The following ERC2 variants were observed in gnomAD, a reference collection of about 807,000 sequenced individuals.
ERC2 encodes ELKS/RAB6-interacting/CAST family member 2, also known as ERC protein 2.
In ERC2, 42 loss-of-function variants were observed where a neutral mutation model predicts 114.8. The ratio of observed to expected loss-of-function variants is 0.37; its 90% CI spans 0.29 to 0.47. The LOEUF is 0.47. ERC2 is among the 20% of genes least tolerant of loss of function. The pLI is 0.99. For synonymous variants in ERC2, 454 were observed against 425.5 expected, an observed-to-expected ratio of 1.07 and a Z score of -0.82; for missense variants, 939 against 1,150.7, an observed-to-expected ratio of 0.82 and a Z score of 2.66.
chr3:56,155,092 G>A (rs1160126711), intron 4 of ERC2, among the ~76,000 whole-genome samples: 2 of 152,158 alleles, frequency 1.3e-5, no homozygotes, highest in South Asian at 2.1e-4. Flanking sequence ...CGTCCCTCTT[G>A]TTTCCAGCTA....
chr3:55,969,913 G>A (rs895352724), intron 12 of ERC2, among the ~76,000 whole-genome samples: 1 of 152,078 alleles, frequency 6.6e-6, no homozygotes, highest in East Asian at 1.9e-4. Context: ...CATTTAAATG[G>A]GCAAATTATT....
intron 2 of ERC2, among the ~76,000 whole-genome samples, chr3:56,325,158 T>C (rs1198899531): frequency 1.3e-5 from 2 of 152,006 alleles, no homozygotes; most frequent in Non-Finnish European, 2.9e-5. Flanking sequence ...TAAAACTATA[T>C]ACCCGGCTGG....
intron 2 of ERC2, among the ~76,000 whole-genome samples, chr3:56,373,258 A>T (rs1048777376): frequency 6.6e-6 from 1 of 152,236 alleles, no homozygotes; most frequent in South Asian, 2.1e-4. Flanking sequence ...ATAAAATCAC[A>T]TGAAAGCCAG....
At chr3:55,596,860 A>T (rs957703042) in intron 17 of ERC2, among the ~76,000 whole-genome samples, 3 of 152,226 alleles carry the variant, frequency 2.0e-5, no homozygotes, top group African/African-American at 7.2e-5. Context: ...GACTGAATCC[A>T]TAATGATTAT....
intron 17 of ERC2, among the ~76,000 whole-genome samples, chr3:55,622,072 C>T (rs2059351969): frequency 6.6e-6 from 1 of 152,204 alleles, no homozygotes; most frequent in South Asian, 2.1e-4. Context: ...AATCTGTTTG[C>T]TTCGTACCGC....
chr3:55,705,724 A>C (rs2063445432), intron 15 of ERC2, among the ~76,000 whole-genome samples: 1 of 152,092 alleles, frequency 6.6e-6, no homozygotes, highest in African/African-American at 2.4e-5. Context: ...CTATAGCAGA[A>C]CAGAACACTG....
chr3:55,715,526 A>T (rs1472109678), intron 15 of ERC2, among the ~76,000 whole-genome samples: 1 of 152,172 alleles, frequency 6.6e-6, no homozygotes, highest in Non-Finnish European at 1.5e-5. Context: ...CCAGACATAA[A>T]GGAGTGGATT....
intron 1 of ERC2, among the ~76,000 whole-genome samples, chr3:56,463,635 T>C (rs566158992): frequency 1.3e-5 from 2 of 152,332 alleles, no homozygotes; most frequent in South Asian, 2.1e-4. Context: ...AACTGCCCAA[T>C]AGAAGTTAAG....
chr3:55,978,992 T>C (rs1034999138), intron 12 of ERC2, among the ~76,000 whole-genome samples: 3 of 152,192 alleles, frequency 2.0e-5, no homozygotes, highest in African/African-American at 4.8e-5. Context: ...AGCAAGGCGA[T>C]AGGACACCTA....
At chr3:56,370,849 C>T (rs1425025363) in intron 2 of ERC2, among the ~76,000 whole-genome samples, 1 of 152,174 alleles carries the variant, frequency 6.6e-6, no homozygotes, top group Non-Finnish European at 1.5e-5. Flanking sequence ...CTGCCTTGGC[C>T]TCCCAAAGTG....
At chr3:56,419,500 C>G (rs1164267907) in intron 2 of ERC2, among the ~76,000 whole-genome samples, 4 of 152,202 alleles carry the variant, frequency 2.6e-5, no homozygotes, top group African/African-American at 4.8e-5. Flanking sequence ...TCTGAATACA[C>G]TTAGTGAATG....
intron 4 of ERC2, among the ~76,000 whole-genome samples, chr3:56,170,401 G>A (rs549856188): frequency 6.6e-6 from 1 of 152,174 alleles, no homozygotes; most frequent in South Asian, 2.1e-4. Context: ...CCAGACTGTG[G>A]ATCTAAATAG....
intron 3 of ERC2, among the ~76,000 whole-genome samples, chr3:56,234,047 C>T (rs1344359770): frequency 1.3e-5 from 2 of 152,154 alleles, no homozygotes; most frequent in African/African-American, 2.4e-5. Flanking sequence ...TCCAGATGTC[C>T]TCATCTTTAG....
chr3:55,808,549 G>A (rs2059576831), intron 14 of ERC2, among the ~76,000 whole-genome samples: 1 of 151,404 alleles, frequency 6.6e-6, no homozygotes. Flanking sequence ...GAGGAGGGAG[G>A]GTTGGCAGTG....
At position 56,194,606 on chromosome 3, in the gene ERC2, T is replaced by C. The variant is rs139012510; in HGVS notation, c.1075-21086A>G. Among the ~76,000 whole-genome samples, 390 of 152,346 alleles carry C rather than the reference T, an allele frequency of 2.6e-3. 1 individual carries two copies. The highest frequency in any genetic ancestry group is 0.018 in the South Asian group (85 of 4,832). On this transcript the variant is annotated intron_variant, in intron 3 of 17. Coordinates refer to ENST00000288221, the MANE Select transcript of ERC2 (RefSeq NM_015576.3). ...AATGTGAAGGCCGAGGACATTATTG[T>C]ACACTACTGTAGGCTTTATAAGCAC... is the stretch of plus-strand genomic sequence containing the variant.
chr3:56,093,629 T>C (rs1359802627), intron 6 of ERC2, among the ~76,000 whole-genome samples: 2 of 152,170 alleles, frequency 1.3e-5, no homozygotes, highest in Non-Finnish European at 2.9e-5. Flanking sequence ...CCATATTAAA[T>C]TAATATCATT....
chr3:55,785,432 A>G (rs1243381107), intron 14 of ERC2, among the ~76,000 whole-genome samples: 1 of 152,160 alleles, frequency 6.6e-6, no homozygotes, highest in African/African-American at 2.4e-5. Context: ...CCCTTGCTGT[A>G]ATTTTGAGCC....
Position 55,759,310 on chromosome 3 carries a change from G to A in ERC2, c.2565-24392C>T, listed in dbSNP as rs752653807. ...TAAAAAACAGCTTTCTAGATTCTTCGCAAATACAATAATATGACTGCTCCA... is the reference window on the plus strand; with the variant it reads ...TAAAAAACAGCTTTCTAGATTCTTCACAAATACAATAATATGACTGCTCCA... On this transcript the variant is annotated intron_variant, in intron 14 of 17. Transcript: ENST00000288221. Among the ~76,000 whole-genome samples, 9 of 151,738 alleles carry A rather than the reference G, an allele frequency of 5.9e-5. 1 individual carries two copies. In the South Asian group the frequency reaches 1.0e-3, roughly 18 times the overall value.
At chr3:56,221,676 G>A (rs1197167117) in intron 3 of ERC2, among the ~76,000 whole-genome samples, 4 of 152,126 alleles carry the variant, frequency 2.6e-5, no homozygotes, top group African/African-American at 9.7e-5. Flanking sequence ...AGGCCGAGGC[G>A]GGTGGATCAC....
Sources: allele counts gnomAD v4.1 joint callset (sites outside exome capture counted in the v4.1 genomes callset), GRCh38; gene constraint gnomAD v4.1.1; transcripts MANE v1.5; gene names NCBI Gene and HGNC (gene_info 2026-07-23, HGNC 2026-07-21).